SCFD1: variants seen among roughly 807,000 people sequenced by gnomAD.
SCFD1 encodes sec1 family domain containing 1.
SCFD1 carries 37 observed loss-of-function variants against 103.2 expected under a neutral mutation model. That is an observed-to-expected ratio of 0.36 (90% CI 0.28 to 0.47). SCFD1 has a LOEUF of 0.47. Ranked by LOEUF, SCFD1 falls within the 20% of genes least tolerant of loss-of-function variation. The probability of loss-of-function intolerance (pLI) is 1.00; values close to 1 mark genes in which losing one functional copy is unlikely to be tolerated. For missense variants in SCFD1, 639 were observed against 761.2 expected (o/e 0.84, Z 1.89); for synonymous variants, 264 against 245.0 (o/e 1.08, Z -0.73).
At chr14:30,635,115 C>T (rs1884588808) in intron 4 of SCFD1, 4 of 373,368 alleles carry the variant, frequency 1.1e-5, no homozygotes, top group Admixed American at 6.9e-5. Context: ...TTGTTAGTGA[C>T]GTTTGCAAAT....
intron 4 of SCFD1, among the ~76,000 whole-genome samples, chr14:30,636,298 G>A (rs1027244316): frequency 6.7e-6 from 1 of 150,324 alleles, no homozygotes; most frequent in Non-Finnish European, 1.5e-5. Context: ...TTATGCTTTT[G>A]GTGTCATATT....
intron 1 of SCFD1, among the ~76,000 whole-genome samples, chr14:30,623,811 A>C (rs1027792507): frequency 1.3e-5 from 2 of 152,164 alleles, no homozygotes; most frequent in Non-Finnish European, 2.9e-5. Context: ...ACTGTCATTG[A>C]ATTCTGCCTT....
intron 10 of SCFD1, among the ~76,000 whole-genome samples, chr14:30,659,229 G>A (rs1205438222): frequency 7.0e-6 from 1 of 142,222 alleles, no homozygotes; most frequent in Admixed American, 7.0e-5. Context: ...TCTATATGAT[G>A]GAACATTTTA....
intron 7 of SCFD1, among the ~76,000 whole-genome samples, chr14:30,647,720 G>A (rs1318871380): frequency 6.6e-6 from 1 of 152,046 alleles, no homozygotes. Flanking sequence ...TGCTAGGGAG[G>A]TTGCACTGCA....
chr14:30,683,227 AG>A, intron 14 of SCFD1: 2 of 1,109,214 alleles, frequency 1.8e-6, no homozygotes, highest in Non-Finnish European at 1.3e-6. Flanking sequence ...GATGTCATAC[AG>A]GGCAGACCAC....
chr14:30,695,616 C>T (rs746168925), intron 15 of SCFD1, among the ~76,000 whole-genome samples: 29 of 152,122 alleles, frequency 1.9e-4, no homozygotes, highest in Non-Finnish European at 3.7e-4. Flanking sequence ...TACCTGTAAT[C>T]CCAGTACTTT....
At chr14:30,674,284 T>C (rs1274548958) in intron 13 of SCFD1, among the ~76,000 whole-genome samples, 1 of 152,080 alleles carries the variant, frequency 6.6e-6, no homozygotes, top group Non-Finnish European at 1.5e-5. Flanking sequence ...GATTATTAAT[T>C]TTATTATAGA....
chr14:30,622,529 C>T (rs1483542766), intron 1 of SCFD1, 130 bp downstream of exon 1: 24 of 1,404,800 alleles, frequency 1.7e-5, no homozygotes, highest in Non-Finnish European at 2.0e-5. Flanking sequence ...AGAGCCCCTC[C>T]CCTTTGAGTT....
chr14:30,730,360 T>C (rs929450567), intron 23 of SCFD1, among the ~76,000 whole-genome samples: 1 of 152,238 alleles, frequency 6.6e-6, no homozygotes, highest in Non-Finnish European at 1.5e-5. Flanking sequence ...TTATAATCCT[T>C]TGGGTATATA....
chr14:30,682,150 A>G (rs1164304691), intron 14 of SCFD1, among the ~76,000 whole-genome samples: 1 of 152,200 alleles, frequency 6.6e-6, no homozygotes, highest in Non-Finnish European at 1.5e-5. Flanking sequence ...TGGTTGAGAG[A>G]AAAAATGCAT....
At chr14:30,733,191 G>C (rs1406051723) in intron 23 of SCFD1, among the ~76,000 whole-genome samples, 1 of 151,904 alleles carries the variant, frequency 6.6e-6, no homozygotes, top group Admixed American at 6.6e-5. Context: ...TGTATTTTTA[G>C]TAGAGATGGG....
chr14:30,705,971 T>G (rs773404695), intron 18 of SCFD1, 86 bp downstream of exon 18: 48 of 1,038,378 alleles, frequency 4.6e-5, no homozygotes, highest in Non-Finnish European at 6.6e-5. Flanking sequence ...TGTCTGATAC[T>G]TTGAATGCGG....
chr14:30,683,189 T>C lies in SCFD1; in HGVS notation c.1242+8124T>C. 2 of 1,096,874 alleles carry C rather than the reference T, an allele frequency of 1.8e-6. 1 individual carries two copies. The highest frequency in any genetic ancestry group is 2.7e-5 in the South Asian group (2 of 73,660). 67.9% of individuals were successfully genotyped at this position (1,096,874 alleles called of 1,614,324 possible). A position where few individuals can be genotyped will look rare whatever the true frequency, so the allele number is the denominator to read the frequency against. Reference sequence around the variant, plus strand: ...CTCCTAGTAGGCTGGAGATGGAGAGTGTTCTGGATGGAGAGCAGAATGGTC... The same window carrying C: ...CTCCTAGTAGGCTGGAGATGGAGAGCGTTCTGGATGGAGAGCAGAATGGTC... On this transcript the variant is annotated intron_variant, in intron 14 of 24. Transcript: ENST00000458591.
chr14:30,712,398 G>C (rs1204363721), intron 19 of SCFD1, among the ~76,000 whole-genome samples: 3 of 152,088 alleles, frequency 2.0e-5, no homozygotes, highest in Non-Finnish European at 4.4e-5. Flanking sequence ...AGTCACCATA[G>C]ATCAGTTGTC....
chr14:30,656,239 G>A (rs1490317535), intron 10 of SCFD1, among the ~76,000 whole-genome samples: 1 of 152,124 alleles, frequency 6.6e-6, no homozygotes, highest in African/African-American at 2.4e-5. Flanking sequence ...GAGATTACAA[G>A]CATGAGCCAC....
At chr14:30,630,226 A>G (rs1309355753) in intron 2 of SCFD1, among the ~76,000 whole-genome samples, 1 of 152,244 alleles carries the variant, frequency 6.6e-6, no homozygotes, top group Non-Finnish European at 1.5e-5. Flanking sequence ...GTAAATAATG[A>G]TGGAAAATAT....
At chr14:30,714,349 A>G (rs1418527319) in intron 19 of SCFD1, among the ~76,000 whole-genome samples, 2 of 144,890 alleles carry the variant, frequency 1.4e-5, no homozygotes, top group African/African-American at 5.3e-5. Flanking sequence ...CGACAGAGCG[A>G]GACTCCGTCT....
chr14:30,697,776 C>A (rs1366013513), intron 15 of SCFD1, among the ~76,000 whole-genome samples: 1 of 151,994 alleles, frequency 6.6e-6, no homozygotes, highest in Non-Finnish European at 1.5e-5. Flanking sequence ...AAGAAACCAG[C>A]CTATAGTCTT....
At chr14:30,731,292 C>G (rs886545252) in intron 23 of SCFD1, among the ~76,000 whole-genome samples, 17 of 152,174 alleles carry the variant, frequency 1.1e-4, no homozygotes, top group Non-Finnish European at 2.4e-4. Context: ...TGTGATGCCT[C>G]CAGCTTTGTT....
Sources: allele counts gnomAD v4.1 joint callset (sites outside exome capture counted in the v4.1 genomes callset), GRCh38; gene constraint gnomAD v4.1.1; transcripts MANE v1.5; gene names NCBI Gene and HGNC (gene_info 2026-07-23, HGNC 2026-07-21).